Variants in TPD52 observed in about 807,000 individuals in gnomAD.
TPD52 encodes the protein tumor protein D52.
In TPD52, 17 loss-of-function variants were observed where a neutral mutation model predicts 31.3. That is an observed-to-expected ratio of 0.54 (90% CI 0.37 to 0.82). The LOEUF is 0.82. Ranked by LOEUF, TPD52 falls within the 40% of genes least tolerant of loss-of-function variation. The probability of loss-of-function intolerance (pLI) is 0.00; values close to 1 mark genes in which losing one functional copy is unlikely to be tolerated. For missense variants in TPD52, 212 were observed against 240.1 expected (o/e 0.88, Z 0.77); for synonymous variants, 83 against 89.6 (o/e 0.93, Z 0.42).
At chr8:80,156,478 C>T (rs990402753) in intron 1 of TPD52, among the ~76,000 whole-genome samples, 6 of 152,112 alleles carry the variant, frequency 3.9e-5, no homozygotes, top group African/African-American at 1.4e-4. Context: ...GGAGTATCAA[C>T]GAATGTGTGA....
rs1317819072 is a variant in TPD52, at chr8:80,136,023, C to G, written c.19+35402G>C. On this transcript the variant is annotated intron_variant, in intron 1 of 7. Coordinates refer to ENST00000518937, the MANE Select transcript of TPD52 (RefSeq NM_001025253.3). The stretch of plus-strand genomic sequence containing the variant: ...GGGAGGGATAGCATTGGGAGATATA[C>G]CTAATGCTAGATGACGAGTTAGTGG... Among the ~76,000 whole-genome samples, 3 of 124,234 alleles carry G rather than the reference C, an allele frequency of 2.4e-5. No individual in the cohort carries two copies. The East Asian group carries it at 7.9e-4, about 33-fold the overall frequency. The allele number at this position is 124,234 out of a possible 152,430, so 81.5% of individuals were successfully genotyped here. A position where few individuals can be genotyped will look rare whatever the true frequency, so the allele number is the denominator to read the frequency against.
chr8:80,125,249 C>T (rs1162507955), intron 1 of TPD52, among the ~76,000 whole-genome samples: 1 of 152,188 alleles, frequency 6.6e-6, no homozygotes, highest in East Asian at 1.9e-4. Context: ...GGTGGAAGGA[C>T]TGCTTAAGGC....
chr8:80,083,334 A>C (rs930520070), intron 1 of TPD52, among the ~76,000 whole-genome samples: 1 of 152,218 alleles, frequency 6.6e-6, no homozygotes, highest in African/African-American at 2.4e-5. Flanking sequence ...GTACAATCCC[A>C]GCAAGGAGGA....
At chr8:80,081,633 T>C (rs1385222509) in intron 1 of TPD52, among the ~76,000 whole-genome samples, 1 of 151,648 alleles carries the variant, frequency 6.6e-6, no homozygotes, top group East Asian at 1.9e-4. Context: ...TGAAACCTAA[T>C]ATATTTTAAG....
chr8:80,163,706 A>G (rs1420207552), intron 1 of TPD52, among the ~76,000 whole-genome samples: 2 of 152,176 alleles, frequency 1.3e-5, no homozygotes. Context: ...GCTTACATAT[A>G]TTCACCTCCT....
Position 80,100,471 on chromosome 8 carries a change from G to C in TPD52, c.20-35878C>G, listed in dbSNP as rs1806651347. The stretch of plus-strand genomic sequence containing the variant: ...CCAATTGTTTTCGGAACAGAAACTA[G>C]AATCTGCCTCACTGAAAAACCCTAC... On this transcript the variant is annotated intron_variant, in intron 1 of 7. Coordinates refer to ENST00000518937, the MANE Select transcript of TPD52 (RefSeq NM_001025253.3). Among the ~76,000 whole-genome samples, 3 of 152,308 alleles carry C rather than the reference G, an allele frequency of 2.0e-5. No individual in the cohort carries two copies. The South Asian group carries it at 6.2e-4, about 32-fold the overall frequency.
chr8:80,139,152 T>C (rs1386423394), intron 1 of TPD52, among the ~76,000 whole-genome samples: 1 of 152,204 alleles, frequency 6.6e-6, no homozygotes. Context: ...CTGTATTTAC[T>C]GAATGGCTGC....
chr8:80,065,128 G>C (rs184441380), intron 1 of TPD52, among the ~76,000 whole-genome samples: 1 of 151,780 alleles, frequency 6.6e-6, no homozygotes, highest in Non-Finnish European at 1.5e-5. Context: ...ACATCTTCTT[G>C]TAAGTTCTTT....
rs1357793635 is a variant in TPD52, at chr8:80,035,795, A to G, written c.*2321T>C. The G allele has an allele frequency of 6.6e-6, 1 of 152,200 alleles. No individual in the cohort carries two copies. 9.4% of individuals were successfully genotyped at this position (152,200 alleles called of 1,614,324 possible). On this transcript the variant is annotated 3_prime_UTR_variant, in exon 8 of 8. Coordinates refer to ENST00000518937, the MANE Select transcript of TPD52 (RefSeq NM_001025253.3). ...TGAGTCCTTACATCTGTGAGATTTC[A>G]TAAGTATCTGAGATTTCACACTCTT...
intron 1 of TPD52, among the ~76,000 whole-genome samples, chr8:80,079,823 TAAA>T (rs11293416): frequency 6.6e-6 from 1 of 150,658 alleles, no homozygotes; most frequent in African/African-American, 2.4e-5. Flanking sequence ...AGTTTTTCTT[TAAA>T]AAAAAAAAAA....
chr8:80,044,224 A>T lies in TPD52; in HGVS notation c.414-16T>A. 1 of 1,568,546 alleles carries T rather than the reference A, an allele frequency of 6.4e-7. No homozygotes were observed. Among genetic ancestry groups the T allele is most frequent in the Non-Finnish European group, 8.6e-7 (1 of 1,162,002 alleles). On this transcript the variant is annotated splice_polypyrimidine_tract_variant and intron_variant, in intron 5 of 7. Transcript: ENST00000518937. Reference sequence around the variant, plus strand: ...GGAACGTATACTAAGAGGCAGCATTAAAAAGAGATAGAAATAAGGTTAGTA... The same window carrying T: ...GGAACGTATACTAAGAGGCAGCATTTAAAAGAGATAGAAATAAGGTTAGTA...
At chr8:80,135,435 C>G (rs900321541) in intron 1 of TPD52, among the ~76,000 whole-genome samples, 2 of 152,052 alleles carry the variant, frequency 1.3e-5, no homozygotes, top group African/African-American at 4.8e-5. Flanking sequence ...TACCTGCCCC[C>G]CAGGAGAGTT....
At chr8:80,133,694 A>G (rs1809186476) in intron 1 of TPD52, among the ~76,000 whole-genome samples, 4 of 151,908 alleles carry the variant, frequency 2.6e-5, no homozygotes, top group Admixed American at 2.6e-4. Context: ...CTCAATTCCA[A>G]ATGGAGCCCT....
intron 1 of TPD52, among the ~76,000 whole-genome samples, chr8:80,071,331 C>T (rs1813753764): frequency 6.6e-6 from 1 of 152,068 alleles, no homozygotes; most frequent in Non-Finnish European, 1.5e-5. Flanking sequence ...AGCCCCTTAC[C>T]TGCAAAAAAT....
intron 2 of TPD52, among the ~76,000 whole-genome samples, chr8:80,056,851 A>G (rs1407464149): frequency 2.6e-5 from 4 of 152,188 alleles, no homozygotes; most frequent in Non-Finnish European, 5.9e-5. Context: ...CTCCACTCCT[A>G]GGTATATATA....
At chr8:80,042,784 T>C (rs1810509735) in intron 6 of TPD52, 116 bp from the exon 7 acceptor site, 1 of 903,732 alleles carries the variant, frequency 1.1e-6, no homozygotes, top group Non-Finnish European at 1.7e-6. Flanking sequence ...AAAGAACAGA[T>C]ATAATCTGTA....
intron 1 of TPD52, among the ~76,000 whole-genome samples, chr8:80,097,428 T>G (rs1338709801): frequency 2.0e-5 from 3 of 152,210 alleles, no homozygotes; most frequent in Admixed American, 2.0e-4. Flanking sequence ...CATGTCAAAT[T>G]GTAATCCCCA....
At position 80,064,347 on chromosome 8, in the gene TPD52, C is replaced by T. The variant is rs911375582; in HGVS notation, c.135+131G>A. The stretch of plus-strand genomic sequence containing the variant: ...TCTCCTCTCCCCTACTCAAGACCTG[C>T]TGGAGAAGTAAACACATATGCTTTC... On this transcript the variant is annotated intron_variant, in intron 2 of 7. Transcript: ENST00000518937. The T allele has an allele frequency of 5.4e-6, 4 of 745,094 alleles. No individual in the cohort carries two copies. In the African/African-American group the frequency reaches 7.0e-5, roughly 13 times the overall value. The allele number at this position is 745,094 out of a possible 1,614,324, so 46.2% of individuals were successfully genotyped here. A position where few individuals can be genotyped will look rare whatever the true frequency, so the allele number is the denominator to read the frequency against.
At chr8:80,066,542 A>G (rs905313562) in intron 1 of TPD52, among the ~76,000 whole-genome samples, 2 of 152,210 alleles carry the variant, frequency 1.3e-5, no homozygotes, top group African/African-American at 4.8e-5. Context: ...TGCCCAAATA[A>G]TATTTCTATA....
Sources: gnomAD v4.1 joint callset for allele counts (sites outside exome capture counted in the v4.1 genomes callset) on GRCh38, gnomAD v4.1.1 for gene constraint, MANE v1.5 for transcripts, NCBI Gene and HGNC (gene_info 2026-07-23, HGNC 2026-07-21) for gene names.